The following SLC35D1 variants were observed in gnomAD, a reference collection of about 807,000 sequenced individuals.
The protein encoded by SLC35D1 is nucleotide sugar transporter SLC35D1.
A neutral mutation model predicts 46.7 loss-of-function variants in SLC35D1; 31 were observed. The observed-to-expected ratio is 0.66, with a 90% CI of 0.50 to 0.90. The LOEUF (loss-of-function observed/expected upper bound fraction) is 0.90, where lower values mean the gene tolerates loss of function less well. Among genes scored for constraint, SLC35D1 ranks in the 40% least tolerant of loss-of-function variants. SLC35D1 has a pLI of 0.00. For missense variants in SLC35D1, 397 were observed against 426.2 expected, an observed-to-expected ratio of 0.93 and a Z score of 0.60; for synonymous variants, 195 against 164.6, an observed-to-expected ratio of 1.18 and a Z score of -1.41.
chr1:67,013,535 G>A (rs528783048), intron 10 of SLC35D1, among the ~76,000 whole-genome samples: 4 of 152,122 alleles, frequency 2.6e-5, no homozygotes, highest in South Asian at 4.2e-4. Context: ...GGGCAACAGA[G>A]TGAGACCCTG....
the SLC35D1 span, chr1:66,985,959 A>C: frequency 1.0e-6 from 1 of 985,120 alleles, no homozygotes. Flanking sequence ...CAAAAGTTTA[A>C]TGTCAGCTTA....
intron 8 of SLC35D1, among the ~76,000 whole-genome samples, chr1:67,028,168 T>A (rs1424747392): frequency 6.6e-6 from 1 of 152,262 alleles, no homozygotes. Context: ...ATGCCATTAA[T>A]TTCTACCTTA....
At chr1:66,988,563 T>C in the SLC35D1 span, 1 of 152,164 alleles carries the variant, frequency 6.6e-6, no homozygotes, top group Admixed American at 6.5e-5. Context: ...AATTTGTCTT[T>C]AGTTAGTATA....
At chr1:67,037,369 A>T (rs1489211575) in intron 8 of SLC35D1, among the ~76,000 whole-genome samples, 1 of 152,100 alleles carries the variant, frequency 6.6e-6, no homozygotes, top group Non-Finnish European at 1.5e-5. Context: ...GGAGTATGTG[A>T]GTAAGATTAG....
At chr1:67,024,010 A>G (rs1345813202) in intron 8 of SLC35D1, among the ~76,000 whole-genome samples, 4 of 149,678 alleles carry the variant, frequency 2.7e-5, no homozygotes, top group Non-Finnish European at 6.0e-5. Flanking sequence ...AGTGGCACGA[A>G]CTCGGCTCAC....
chr1:66,990,506 A>G, the SLC35D1 span, among the ~76,000 whole-genome samples: 2 of 151,982 alleles, frequency 1.3e-5, no homozygotes, highest in African/African-American at 2.4e-5. Flanking sequence ...GGTTCAAGCA[A>G]TCCGCCTGCC....
chr1:67,033,512 G>A (rs190094164), intron 8 of SLC35D1, among the ~76,000 whole-genome samples: 41 of 152,120 alleles, frequency 2.7e-4, no homozygotes, highest in African/African-American at 9.4e-4. Context: ...ATGACTGTTT[G>A]CCATCTGTAT....
chr1:66,985,800 TAA>T, the SLC35D1 span: 5 of 858,542 alleles, frequency 5.8e-6, no homozygotes, highest in Non-Finnish European at 7.0e-6. Context: ...AAAGCATTCA[TAA>T]AGGATTATAA....
At chr1:67,013,673 G>C (rs1021403328) in intron 10 of SLC35D1, among the ~76,000 whole-genome samples, 15 of 151,924 alleles carry the variant, frequency 9.9e-5, no homozygotes, top group African/African-American at 3.6e-4. Context: ...GATCCCTTAA[G>C]AAACACAAAA....
chr1:66,994,608 C>T (rs1215700467), downstream of SLC35D1, among the ~76,000 whole-genome samples: 2 of 151,138 alleles, frequency 1.3e-5, no homozygotes, highest in Non-Finnish European at 2.9e-5. Context: ...CGCGCCACTG[C>T]ACTCCAGCCT....
the SLC35D1 span, among the ~76,000 whole-genome samples, chr1:66,982,072 T>C: frequency 6.6e-6 from 1 of 152,198 alleles, no homozygotes; most frequent in Non-Finnish European, 1.5e-5. Context: ...CATACATATA[T>C]ACTAACAGAA....
At chr1:66,984,566 A>C in the SLC35D1 span, 2 of 1,569,254 alleles carry the variant, frequency 1.3e-6, no homozygotes, top group Non-Finnish European at 1.7e-6. Flanking sequence ...ATTTCTTTCA[A>C]CTTAGGAGTG....
At chr1:67,020,301 CTCTTA>C (rs1241368237) in intron 10 of SLC35D1, 63 bp downstream of exon 10, 1 of 1,035,950 alleles carries the variant, frequency 9.7e-7, no homozygotes, top group South Asian at 1.3e-5. Flanking sequence ...CATCAACAGA[CTCTTA>C]TCTTAAAGGA....
At position 67,021,696 on chromosome 1, in the gene SLC35D1, CACAG is replaced by C. The variant is rs1382145096; in HGVS notation, c.730-98_730-95del. ...AATCCTTCTACGAGTCTGCCTCCAA[CACAG>C]ACACAGACACAGACACAGACACAGA... is the stretch of plus-strand genomic sequence containing the variant. On this transcript the variant is annotated intron_variant, in intron 8 of 11. Coordinates refer to ENST00000235345, the MANE Select transcript of SLC35D1 (RefSeq NM_015139.3). 85 of 131,734 alleles carry C rather than the reference CACAG, an allele frequency of 6.5e-4. 1 individual carries two copies. Among genetic ancestry groups the C allele is most frequent in the Non-Finnish European group, 2.1e-4 (14 of 65,292 alleles). The allele number at this position is 131,734 out of a possible 1,614,324, so 8.2% of individuals were successfully genotyped here.
chr1:66,994,877 A>G (rs1463964767), downstream of SLC35D1, among the ~76,000 whole-genome samples: 3 of 151,508 alleles, frequency 2.0e-5, no homozygotes, highest in Admixed American at 6.6e-5. Context: ...AAATGTTCCC[A>G]AAGTTAAAAT....
the SLC35D1 span, chr1:66,986,555 C>A: frequency 9.5e-7 from 1 of 1,049,632 alleles, no homozygotes; most frequent in Non-Finnish European, 1.5e-6. Context: ...AGCATTCAGG[C>A]CTTACCCCCA....
At chr1:67,040,084 TC>T (rs1668209826) in intron 8 of SLC35D1, among the ~76,000 whole-genome samples, 1 of 151,364 alleles carries the variant, frequency 6.6e-6, no homozygotes, top group Non-Finnish European at 1.5e-5. Flanking sequence ...AGCCTCGACC[TC>T]CTGGGCTCAA....
intron 11 of SLC35D1, among the ~76,000 whole-genome samples, chr1:67,006,518 C>T (rs1032743960): frequency 6.6e-6 from 1 of 152,132 alleles, no homozygotes; most frequent in African/African-American, 2.4e-5. Context: ...AAAATGCTTT[C>T]TTATTTTTCC....
At chr1:67,037,737 C>T (rs1483439175) in intron 8 of SLC35D1, among the ~76,000 whole-genome samples, 2 of 152,270 alleles carry the variant, frequency 1.3e-5, no homozygotes, top group African/African-American at 4.8e-5. Context: ...TGTTTTGACA[C>T]ATCTCTGTTT....
Sources: gnomAD v4.1 joint callset for allele counts (sites outside exome capture counted in the v4.1 genomes callset) on GRCh38, gnomAD v4.1.1 for gene constraint, MANE v1.5 for transcripts, NCBI Gene and HGNC (gene_info 2026-07-23, HGNC 2026-07-21) for gene names.